The following EXOC5 variants were observed in gnomAD, a reference collection of about 807,000 sequenced individuals.
The protein encoded by EXOC5 is exocyst complex component 5, also known as SEC10-like 1.
In EXOC5, 17 loss-of-function variants were observed where a neutral mutation model predicts 90.8. That is an observed-to-expected ratio of 0.19 (90% CI 0.13 to 0.28). The LOEUF (loss-of-function observed/expected upper bound fraction) is 0.28. Ranked by LOEUF, EXOC5 falls within the 10% of genes least tolerant of loss-of-function variation. The pLI is 1.00. For synonymous variants in EXOC5, 260 were observed against 270.0 expected (o/e 0.96, Z 0.36); for missense variants, 569 against 830.6 (o/e 0.69, Z 3.87).
intron 1 of EXOC5, among the ~76,000 whole-genome samples, chr14:57,263,534 G>A (rs769725301): frequency 5.3e-5 from 8 of 151,812 alleles, no homozygotes; most frequent in East Asian, 1.9e-4. Flanking sequence ...TTGGGAGGCC[G>A]AGGCAGGTCG....
chr14:57,217,580 C>T (rs1433802244), intron 15 of EXOC5, among the ~76,000 whole-genome samples: 2 of 152,082 alleles, frequency 1.3e-5, no homozygotes, highest in African/African-American at 4.8e-5. Context: ...CTGACTACTC[C>T]AGATAATGGC....
chr14:57,231,375 T>C (rs999153217), intron 11 of EXOC5, 131 bp downstream of exon 11: 21 of 638,332 alleles, frequency 3.3e-5, no homozygotes, highest in Admixed American at 6.1e-5. Context: ...TGATCAATAA[T>C]ATAACAATCT....
intron 12 of EXOC5, among the ~76,000 whole-genome samples, chr14:57,228,756 G>C (rs1034344996): frequency 2.7e-5 from 4 of 150,608 alleles, no homozygotes; most frequent in Non-Finnish European, 5.9e-5. Flanking sequence ...ACCTAATGTA[G>C]ATGAGGAGTT....
chr14:57,242,434 C>T (rs75903588), intron 4 of EXOC5, among the ~76,000 whole-genome samples: 8,077 of 150,980 alleles, frequency 0.053, 295 homozygotes, highest in Non-Finnish European at 0.081. Flanking sequence ...GGTAGAGATG[C>T]GGTTTCACCA....
chr14:57,209,938 A>G lies in EXOC5; in HGVS notation c.1722+15T>C. The G allele has an allele frequency of 7.5e-7, 1 of 1,339,238 alleles. No homozygotes were observed. Among genetic ancestry groups the G allele is most frequent in the Non-Finnish European group, 1.1e-6 (1 of 942,330 alleles). 83.0% of individuals were successfully genotyped at this position (1,339,238 alleles called of 1,614,324 possible). On this transcript the variant is annotated intron_variant, in intron 16 of 17. Coordinates refer to ENST00000621441, the MANE Select transcript of EXOC5 (RefSeq NM_006544.4). The stretch of plus-strand genomic sequence containing the variant: ...ATGTTAACAAAGTATTAACAAACTG[A>G]ATGATTTTACTCACATTAGTATATT...
At chr14:57,246,879 T>C (rs1884047837) in intron 2 of EXOC5, 21 bp from the exon 3 acceptor site, 7 of 1,435,610 alleles carry the variant, frequency 4.9e-6, no homozygotes, top group Admixed American at 1.9e-5. Flanking sequence ...AAAGTTTGAA[T>C]ATGTATCAAT....
chr14:57,233,704 G>A, intron 9 of EXOC5, 39 bp downstream of exon 9: 6 of 1,249,374 alleles, frequency 4.8e-6, no homozygotes, highest in Non-Finnish European at 5.6e-6. Context: ...ATTACATATT[G>A]CTTTAAGAAC....
intron 15 of EXOC5, 68 bp downstream of exon 15, chr14:57,217,914 T>C (rs1566726070): frequency 5.1e-6 from 4 of 786,918 alleles, no homozygotes; most frequent in South Asian, 1.5e-5. Flanking sequence ...TACAAAGTAT[T>C]TTCATGCTGC....
intron 15 of EXOC5, among the ~76,000 whole-genome samples, chr14:57,212,343 T>G (rs1000833822): frequency 6.6e-6 from 1 of 152,224 alleles, no homozygotes; most frequent in Non-Finnish European, 1.5e-5. Context: ...ACAAAATGTT[T>G]GTAAAACCAA....
chr14:57,268,475 C>T, intron 1 of EXOC5, 147 bp downstream of exon 1: 3 of 1,503,366 alleles, frequency 2.0e-6, no homozygotes, highest in Non-Finnish European at 2.7e-6. Context: ...CGCGCTGACA[C>T]GGAGCTGCCA....
intron 15 of EXOC5, among the ~76,000 whole-genome samples, chr14:57,215,442 T>G (rs1451533441): frequency 6.6e-6 from 1 of 150,798 alleles, no homozygotes; most frequent in African/African-American, 2.5e-5. Context: ...CTGAATTCAA[T>G]AGCACACTGA....
intron 1 of EXOC5, among the ~76,000 whole-genome samples, chr14:57,257,452 T>C (rs981979971): frequency 7.2e-5 from 11 of 152,134 alleles, no homozygotes. Context: ...ACTTAAGGAC[T>C]GGTTGAGATC....
intron 4 of EXOC5, among the ~76,000 whole-genome samples, chr14:57,240,940 C>T (rs938834717): frequency 3.9e-5 from 6 of 152,018 alleles, no homozygotes; most frequent in Non-Finnish European, 5.9e-5. Context: ...ACAATCTCCA[C>T]CTCCTGGGTT....
chr14:57,238,853 A>C (rs79936800), intron 5 of EXOC5, among the ~76,000 whole-genome samples: 5,198 of 152,146 alleles, frequency 0.034, 303 homozygotes, highest in African/African-American at 0.12. Flanking sequence ...GTCTATTACT[A>C]TGTATCATTT....
chr14:57,235,683 C>T lies in EXOC5; in HGVS notation c.669+28G>A, dbSNP rs1883635081. 4.5e-6 allele frequency: 5 copies of T among 1,122,848 alleles called. No homozygotes were observed. The African/African-American group carries it at 4.6e-5, about 10-fold the overall frequency. The allele number at this position is 1,122,848 out of a possible 1,614,324, so 69.6% of individuals were successfully genotyped here. Reference sequence around the variant, plus strand: ...TACGTAATTTCCATAGCCTTGAACACTATTCATTTTTAATTCCTACTATTT... The same window carrying T: ...TACGTAATTTCCATAGCCTTGAACATTATTCATTTTTAATTCCTACTATTT... On this transcript the variant is annotated intron_variant, in intron 7 of 17. Coordinates refer to ENST00000621441, the MANE Select transcript of EXOC5 (RefSeq NM_006544.4).
At chr14:57,223,297 A>T (rs1257866415) in intron 12 of EXOC5, among the ~76,000 whole-genome samples, 1 of 152,092 alleles carries the variant, frequency 6.6e-6, no homozygotes, top group Non-Finnish European at 1.5e-5. Flanking sequence ...CTGACTTCTT[A>T]TAATTGCTTT....
chr14:57,233,003 C>T (rs1308864454), intron 9 of EXOC5: 4 of 293,438 alleles, frequency 1.4e-5, no homozygotes, highest in Non-Finnish European at 2.5e-5. Flanking sequence ...GTTAAATTGG[C>T]CTATTCTGCT....
At chr14:57,234,217 T>C (rs1023218689) in intron 7 of EXOC5, among the ~76,000 whole-genome samples, 185 bp from the exon 8 acceptor site, 2 of 152,084 alleles carry the variant, frequency 1.3e-5, no homozygotes, top group Non-Finnish European at 2.9e-5. Flanking sequence ...ATCGTCTCCC[T>C]AGTCACTTTC....
At chr14:57,219,567 C>A in intron 13 of EXOC5, 125 bp from the exon 14 acceptor site, 1 of 710,848 alleles carries the variant, frequency 1.4e-6, no homozygotes, top group Non-Finnish European at 2.3e-6. Flanking sequence ...TTTAATACAT[C>A]AATAATGACT....
Sources: allele counts gnomAD v4.1 joint callset (sites outside exome capture counted in the v4.1 genomes callset), GRCh38; gene constraint gnomAD v4.1.1; transcripts MANE v1.5; gene names NCBI Gene and HGNC (gene_info 2026-07-23, HGNC 2026-07-21).